The following ACVR1C variants were observed in gnomAD, a reference collection of about 807,000 sequenced individuals.
ACVR1C encodes activin receptor type-1C.
In ACVR1C, 23 loss-of-function variants were observed where a neutral mutation model predicts 57.9. That is an observed-to-expected ratio of 0.40 (90% CI 0.29 to 0.56). The LOEUF is 0.56. ACVR1C is among the 20% of genes least tolerant of loss of function. The probability of loss-of-function intolerance (pLI) is 0.50; values close to 1 mark genes in which losing one functional copy is unlikely to be tolerated. For missense variants in ACVR1C, 480 were observed against 607.9 expected, an observed-to-expected ratio of 0.79 and a Z score of 2.21; for synonymous variants, 214 against 215.3, an observed-to-expected ratio of 0.99 and a Z score of 0.05.
chr2:157,533,900 T>G lies in ACVR1C; in HGVS notation c.*18A>C. 1 of 1,528,598 alleles carries G rather than the reference T, an allele frequency of 6.5e-7. No individual in the cohort carries two copies. The highest frequency in any genetic ancestry group is 1.3e-5 in the South Asian group (1 of 78,064). The allele number at this position is 1,528,598 out of a possible 1,614,324, so 94.7% of individuals were successfully genotyped here. On this transcript the variant is annotated 3_prime_UTR_variant, in exon 9 of 9. Transcript: ENST00000243349. ...AAAGAAAGCTATGAGAGATTTCTTTTTAACATAATTATCATCATTAGGCTT... is the reference window on the plus strand; with the variant it reads ...AAAGAAAGCTATGAGAGATTTCTTTGTAACATAATTATCATCATTAGGCTT...
At chr2:157,593,969 A>T (rs1483229940) in intron 1 of ACVR1C, among the ~76,000 whole-genome samples, 2 of 152,178 alleles carry the variant, frequency 1.3e-5, no homozygotes, top group Non-Finnish European at 2.9e-5. Flanking sequence ...TCCATCACAA[A>T]GAAAAACTGT....
intron 8 of ACVR1C, 46 bp from the exon 9 acceptor site, chr2:157,534,089 A>G: frequency 7.0e-7 from 1 of 1,437,172 alleles, no homozygotes. Flanking sequence ...TACTCTACAT[A>G]AAACAGAGCA....
At chr2:157,566,891 G>T (rs913660689) in intron 2 of ACVR1C, among the ~76,000 whole-genome samples, 1 of 151,484 alleles carries the variant, frequency 6.6e-6, no homozygotes, top group Admixed American at 6.6e-5. Flanking sequence ...GCCTGCCTCT[G>T]TAGGCTCCAC....
intron 1 of ACVR1C, among the ~76,000 whole-genome samples, chr2:157,594,054 AC>A (rs1017186983): frequency 6.6e-6 from 1 of 152,144 alleles, no homozygotes; most frequent in Non-Finnish European, 1.5e-5. Context: ...GAATGAAACC[AC>A]CCTACCAACA....
chr2:157,566,873 G>T (rs1441285766), intron 2 of ACVR1C, among the ~76,000 whole-genome samples: 2 of 151,984 alleles, frequency 1.3e-5, no homozygotes, highest in African/African-American at 4.8e-5. Context: ...CACAGCTCAA[G>T]GAGGCCTGCC....
intron 2 of ACVR1C, among the ~76,000 whole-genome samples, chr2:157,582,289 G>A (rs908338941): frequency 6.6e-6 from 1 of 152,020 alleles, no homozygotes; most frequent in African/African-American, 2.4e-5. Flanking sequence ...GCAAGACACT[G>A]CCTTAAAAAA....
At chr2:157,549,244 A>T (rs1687849848) in intron 4 of ACVR1C, among the ~76,000 whole-genome samples, 2 of 152,138 alleles carry the variant, frequency 1.3e-5, no homozygotes, top group Non-Finnish European at 2.9e-5. Context: ...AGTTCCAGCT[A>T]CTTGGGATTA....
At position 157,533,157 on chromosome 2, in the gene ACVR1C, C is replaced by T. The variant is rs532760471; in HGVS notation, c.*761G>A. ...TATTCAAGGGAAAGTAGGAAGCTAG[C>T]TAACCTTACGGTGTTCATTATCACA... On this transcript the variant is annotated 3_prime_UTR_variant, in exon 9 of 9. Transcript: ENST00000243349. 7 of 152,292 alleles carry T rather than the reference C, an allele frequency of 4.6e-5. No individual in the cohort carries two copies. Among genetic ancestry groups the T allele is most frequent in the African/African-American group, 1.7e-4 (7 of 41,560 alleles). The allele number at this position is 152,292 out of a possible 1,614,324, so 9.4% of individuals were successfully genotyped here. A position where few individuals can be genotyped will look rare whatever the true frequency, so the allele number is the denominator to read the frequency against.
chr2:157,553,928 A>G (rs1024218722), intron 3 of ACVR1C, among the ~76,000 whole-genome samples: 1 of 151,912 alleles, frequency 6.6e-6, no homozygotes, highest in Non-Finnish European at 1.5e-5. Flanking sequence ...CACACCTGTA[A>G]TCCCAGCACT....
chr2:157,588,595 T>A (rs952738471), intron 1 of ACVR1C, among the ~76,000 whole-genome samples: 1 of 47,456 alleles, frequency 2.1e-5, no homozygotes, highest in African/African-American at 7.6e-5. Flanking sequence ...CCTCCCACCC[T>A]CCCCCACCTC....
chr2:157,588,230 ACTT>A (rs1688973812), intron 1 of ACVR1C, among the ~76,000 whole-genome samples: 1 of 129,022 alleles, frequency 7.8e-6, no homozygotes, highest in Non-Finnish European at 1.6e-5. Flanking sequence ...AACATTCTCC[ACTT>A]ACTACACACA....
intron 2 of ACVR1C, among the ~76,000 whole-genome samples, chr2:157,564,025 C>T (rs1474236684): frequency 6.6e-6 from 1 of 152,150 alleles, no homozygotes; most frequent in Non-Finnish European, 1.5e-5. Flanking sequence ...AGAGGAAAAC[C>T]TAAGCAATAC....
Position 157,595,328 on chromosome 2 carries a change from A to C in ACVR1C, c.74-7911T>G, listed in dbSNP as rs114319531. On this transcript the variant is annotated intron_variant, in intron 1 of 8. Coordinates refer to ENST00000243349, the MANE Select transcript of ACVR1C (RefSeq NM_145259.3). ...TGGTGATAACCGCTCTTGGGTACAT[A>C]GCAGTGTCTCCAAGGCTGAATCTTT... Among the ~76,000 whole-genome samples, 781 of 152,302 alleles carry C rather than the reference A, an allele frequency of 5.1e-3. 7 individuals carry two copies. Among genetic ancestry groups the C allele is most frequent in the African/African-American group, 0.017 (698 of 41,566 alleles).
Position 157,556,200 on chromosome 2 carries a change from T to C in ACVR1C, c.437A>G (p.Lys146Arg). 1 of 1,614,126 alleles carries C rather than the reference T, an allele frequency of 6.2e-7. No individual in the cohort carries two copies. The highest frequency in any genetic ancestry group is 8.5e-7 in the Non-Finnish European group (1 of 1,179,994). Residue 146 changes from lysine to arginine, a missense_variant, in exon 3 of 9, where the codon AAA (lysine) becomes AGA (arginine). Transcript: ENST00000243349. ...TGGTTCCTCCACATTTGGTCTCTTT[T>C]TCTTCCTGTAGGAGCACTGTCGACC... ...CQGRQCSYRK[K>R]KRPNVEEPLS...
chr2:157,606,786 T>G (rs1682407878), intron 1 of ACVR1C, among the ~76,000 whole-genome samples: 1 of 151,882 alleles, frequency 6.6e-6, no homozygotes, highest in Non-Finnish European at 1.5e-5. Context: ...GATTGTTTCT[T>G]TTGCTATACA....
chr2:157,622,877 C>G (rs1296332631), intron 1 of ACVR1C, among the ~76,000 whole-genome samples: 1 of 151,908 alleles, frequency 6.6e-6, no homozygotes, highest in Non-Finnish European at 1.5e-5. Flanking sequence ...GATTAATATC[C>G]AGAATATATA....
intron 1 of ACVR1C, among the ~76,000 whole-genome samples, chr2:157,615,851 A>G (rs1682634160): frequency 1.3e-5 from 2 of 152,202 alleles, no homozygotes; most frequent in South Asian, 4.1e-4. Flanking sequence ...AGTTTCTGCT[A>G]AGAAGTCTGC....
chr2:157,627,196 T>C (rs970251747), intron 1 of ACVR1C, among the ~76,000 whole-genome samples: 3 of 152,326 alleles, frequency 2.0e-5, no homozygotes, highest in East Asian at 1.9e-4. Context: ...AAAACTGTGA[T>C]ACCTTGAAGA....
chr2:157,628,509 C>A, intron 1 of ACVR1C, 63 bp downstream of exon 1: 1 of 1,551,704 alleles, frequency 6.4e-7, no homozygotes, highest in Non-Finnish European at 8.8e-7. Context: ...CCCCCGTGCT[C>A]ACCCGCAGAC....
Sources: gnomAD v4.1 joint callset for allele counts (sites outside exome capture counted in the v4.1 genomes callset) on GRCh38, gnomAD v4.1.1 for gene constraint, MANE v1.5 for transcripts, NCBI Gene and HGNC (gene_info 2026-07-23, HGNC 2026-07-21) for gene names.